APOD: variants seen among roughly 807,000 people sequenced by gnomAD.
APOD encodes the protein apolipoprotein D, also known as apo-D.
A neutral mutation model predicts 20.4 loss-of-function variants in APOD; 22 were observed. The ratio of observed to expected loss-of-function variants is 1.08; its 90% CI spans 0.77 to 1.54. APOD has a LOEUF of 1.54. APOD is among the 40% of genes most tolerant of loss of function. The pLI is 0.00. For missense variants in APOD, 223 were observed against 229.6 expected, an observed-to-expected ratio of 0.97 and a Z score of 0.19; for synonymous variants, 97 against 92.4, an observed-to-expected ratio of 1.05 and a Z score of -0.29.
intron 2 of APOD, among the ~76,000 whole-genome samples, chr3:195,575,181 G>A (rs1400818089): frequency 6.6e-6 from 1 of 152,186 alleles, no homozygotes; most frequent in African/African-American, 2.4e-5. Context: ...GCCAGCAAAA[G>A]GAAGTCAGAT....
rs765309390 is a variant in APOD, at chr3:195,569,109, G to A, written c.361C>T (p.Leu121=). ...WFMPSAPYWI[L]ATDYENYALV... The stretch of plus-strand genomic sequence containing the variant: ...GCATAGTTCTCATAGTCGGTGGCCA[G>A]GATCCAGTACGGTGCCGATGGCATA... The change falls in exon 5 of 5, where the codon CTG becomes TTG. Residue 121 remains leucine, a synonymous_variant. Coordinates refer to ENST00000343267, the MANE Select transcript of APOD (RefSeq NM_001647.4). The A allele has an allele frequency of 1.9e-6, 3 of 1,614,174 alleles. No homozygotes were observed. The Admixed American group carries it at 5.0e-5, about 27-fold the overall frequency.
At chr3:195,577,186 C>CAA (rs71637174) in intron 2 of APOD, 80 of 284,932 alleles carry the variant, frequency 2.8e-4, no homozygotes, top group Admixed American at 4.8e-4. Flanking sequence ...GACTCCGTCT[C>CAA]AAAAAAAAAA....
intron 1 of APOD, among the ~76,000 whole-genome samples, chr3:195,582,222 A>G (rs1226153390): frequency 6.6e-6 from 1 of 152,146 alleles, no homozygotes; most frequent in Non-Finnish European, 1.5e-5. Context: ...AACAACAACA[A>G]AAAAACTCCT....
chr3:195,575,151 A>C (rs900917773), intron 2 of APOD, among the ~76,000 whole-genome samples: 2 of 152,122 alleles, frequency 1.3e-5, no homozygotes, highest in African/African-American at 4.8e-5. Context: ...CCTTGGCTTG[A>C]GGCTTCCTCT....
rs1720295716 is a variant in APOD, at chr3:195,579,341, T to C, written c.121A>G (p.Lys41Glu). The change falls in exon 2 of 5, where the codon AAG (lysine) becomes GAG (glutamate). Residue 41 changes from lysine (K) to glutamate (E), a missense_variant and splice_region_variant. By Grantham distance (56) the Lys-to-Glu change is moderately conservative. Coordinates refer to ENST00000343267, the MANE Select transcript of APOD (RefSeq NM_001647.4). ...CAAACGGGAGGTTCGCCTTTTACCTTATTCACGTCAAAATTCTCCTGCACC... is the reference window on the plus strand; with the variant it reads ...CAAACGGGAGGTTCGCCTTTTACCTCATTCACGTCAAAATTCTCCTGCACC... ...PPVQENFDVN[K>E]YLGRWYEIEK... The C allele has an allele frequency of 6.2e-7, 1 of 1,614,086 alleles. No individual in the cohort carries two copies. Among genetic ancestry groups the C allele is most frequent in the South Asian group, 1.1e-5 (1 of 91,084 alleles).
At chr3:195,571,225 C>T (rs771960248) in intron 4 of APOD, 52 bp downstream of exon 4, 1 of 1,511,584 alleles carries the variant, frequency 6.6e-7, no homozygotes, top group Non-Finnish European at 9.2e-7. Flanking sequence ...CGCTAGCCTT[C>T]AGTTTGCATA....
At chr3:195,580,707 T>C (rs553186148) in intron 1 of APOD, among the ~76,000 whole-genome samples, 1 of 152,172 alleles carries the variant, frequency 6.6e-6, no homozygotes, top group Non-Finnish European at 1.5e-5. Flanking sequence ...ACCCGGCCTG[T>C]TGAGGGTATT....
At chr3:195,570,129 G>A (rs770458114) in intron 4 of APOD, among the ~76,000 whole-genome samples, 17 of 152,146 alleles carry the variant, frequency 1.1e-4, no homozygotes, top group Non-Finnish European at 2.1e-4. Flanking sequence ...AAGGCCTAAC[G>A]CAAACATCTA....
rs1720104835 is a variant in APOD, at chr3:195,568,838, G to GGT, written c.*61_*62insAC. ...TTGATTGGTTTGTCTTTATGGGGGG[G>GGT]GGGTAGGGGAAAGCGAAGCAGAAGT... is the stretch of plus-strand genomic sequence containing the variant. On this transcript the variant is annotated 3_prime_UTR_variant, in exon 5 of 5. Transcript: ENST00000343267. The GGT allele has an allele frequency of 8.9e-6, 10 of 1,118,374 alleles. No homozygotes were observed. The highest frequency in any genetic ancestry group is 2.1e-5 in the Admixed American group (1 of 47,486). The allele number at this position is 1,118,374 out of a possible 1,614,324, so 69.3% of individuals were successfully genotyped here.
intron 3 of APOD, among the ~76,000 whole-genome samples, chr3:195,572,654 T>A (rs1720180642): frequency 6.6e-6 from 1 of 152,068 alleles, no homozygotes; most frequent in Non-Finnish European, 1.5e-5. Flanking sequence ...AGGATGTCTG[T>A]TTATCAATCC....
At position 195,568,835 on chromosome 3, in the gene APOD, G is replaced by GA; in HGVS notation, c.*64_*65insT. On this transcript the variant is annotated 3_prime_UTR_variant, in exon 5 of 5. Coordinates refer to ENST00000343267, the MANE Select transcript of APOD (RefSeq NM_001647.4). ...TGGTTGATTGGTTTGTCTTTATGGG[G>GA]GGGGGGTAGGGGAAAGCGAAGCAGA... 10 of 1,064,976 alleles carry GA rather than the reference G, an allele frequency of 9.4e-6. No homozygotes were observed. The highest frequency in any genetic ancestry group is 6.8e-5 in the South Asian group (5 of 73,282). 66.0% of individuals were successfully genotyped at this position (1,064,976 alleles called of 1,614,324 possible).
intron 3 of APOD, among the ~76,000 whole-genome samples, chr3:195,572,513 A>G (rs939650813): frequency 1.1e-4 from 17 of 152,318 alleles, no homozygotes; most frequent in African/African-American, 4.1e-4. Context: ...ACCTCTTTGA[A>G]TGAGCCTGCT....
intron 4 of APOD, among the ~76,000 whole-genome samples, chr3:195,569,795 T>G (rs962771962): frequency 3.2e-5 from 4 of 125,380 alleles, no homozygotes; most frequent in African/African-American, 9.3e-5. Context: ...CGTTTTTTTT[T>G]TTTTTTTTTT....
intron 1 of APOD, among the ~76,000 whole-genome samples, chr3:195,580,814 A>C (rs1257259532): frequency 6.6e-6 from 1 of 152,212 alleles, no homozygotes; most frequent in Non-Finnish European, 1.5e-5. Context: ...TGGCAGCAGA[A>C]GCTGGCTTTG....
intron 2 of APOD, among the ~76,000 whole-genome samples, chr3:195,576,525 C>A (rs1017944359): frequency 2.6e-5 from 4 of 152,140 alleles, no homozygotes; most frequent in Non-Finnish European, 5.9e-5. Context: ...AAATATATTT[C>A]TCAGCCAGAC....
chr3:195,573,935 T>C lies in APOD; in HGVS notation c.160A>G (p.Thr54Ala), dbSNP rs375250089. 3 of 1,614,064 alleles carry C rather than the reference T, an allele frequency of 1.9e-6. No individual in the cohort carries two copies. Among genetic ancestry groups the C allele is most frequent in the Non-Finnish European group, 2.5e-6 (3 of 1,180,046 alleles). Residue 54 changes from threonine (T) to alanine (A), a missense_variant, in exon 3 of 5, where the codon ACA becomes GCA. Transcript: ENST00000343267. ...ATGCAGCGTCCATTCTCAAAGGTTG[T>C]TGGGATCTTCTCAATTTCGTACCAT... Reference protein sequence around the residue: ...GRWYEIEKIPTTFENGRCIQA... With the variant: ...GRWYEIEKIPATFENGRCIQA...
At chr3:195,580,313 A>G (rs1720312766) in intron 1 of APOD, among the ~76,000 whole-genome samples, 1 of 152,036 alleles carries the variant, frequency 6.6e-6, no homozygotes, top group Admixed American at 6.6e-5. Context: ...CAAAAGCAGA[A>G]AGATGATGGT....
In APOD at chr3:195,579,381, C is replaced by T; in HGVS notation, c.81G>A (p.Lys27=). 1 of 1,614,250 alleles carries T rather than the reference C, an allele frequency of 6.2e-7. No individual in the cohort carries two copies. Among genetic ancestry groups the T allele is most frequent in the South Asian group, 1.1e-5 (1 of 91,088 alleles). ...TCTCCTGCACCGGAGGATTGGGGCACTTCCCAAGATGAAATGCTTGTCCCT... is the reference window on the plus strand; with the variant it reads ...TCTCCTGCACCGGAGGATTGGGGCATTTCCCAAGATGAAATGCTTGTCCCT... ...AAEGQAFHLG[K]CPNPPVQENF... Residue 27 remains lysine, a synonymous_variant, in exon 2 of 5, where the codon AAG becomes AAA. Transcript: ENST00000343267.
In APOD at chr3:195,578,455, G is replaced by T. The variant is rs115180324; in HGVS notation, c.123+884C>A. Among the ~76,000 whole-genome samples, 735 of 152,282 alleles carry T rather than the reference G, an allele frequency of 4.8e-3. 8 individuals are homozygous for T. Among genetic ancestry groups the T allele is most frequent in the African/African-American group, 0.017 (707 of 41,564 alleles). ...TGTTACTGTTGCCATTCTTAAAAGA[G>T]ATCCAAACCTTCTCCTAAGGAGAGG... On this transcript the variant is annotated intron_variant, in intron 2 of 4. Transcript: ENST00000343267.
Sources: gnomAD v4.1 joint callset for allele counts (sites outside exome capture counted in the v4.1 genomes callset) on GRCh38, gnomAD v4.1.1 for gene constraint, MANE v1.5 for transcripts, NCBI Gene and HGNC (gene_info 2026-07-23, HGNC 2026-07-21) for gene names.